Variants in NCOA2 observed in about 807,000 individuals in gnomAD.
NCOA2 encodes the protein nuclear receptor coactivator 2.
A neutral mutation model predicts 145.1 loss-of-function variants in NCOA2; 21 were observed. The ratio of observed to expected loss-of-function variants is 0.14; its 90% CI spans 0.10 to 0.21. The LOEUF is 0.21. Among genes scored for constraint, NCOA2 ranks in the 10% least tolerant of loss-of-function variants. The pLI, the probability that NCOA2 is intolerant of heterozygous loss-of-function variation, is 1.00. For synonymous variants in NCOA2, 619 were observed against 637.5 expected (o/e 0.97, Z 0.44); for missense variants, 1,472 against 1,837.6 (o/e 0.80, Z 3.64).
chr8:70,406,673 T>C (rs571181399), upstream of NCOA2, among the ~76,000 whole-genome samples: 2 of 152,334 alleles, frequency 1.3e-5, no homozygotes, highest in South Asian at 2.1e-4. Context: ...TGACAAATTA[T>C]ATATTTAACA....
intron 1 of NCOA2, among the ~76,000 whole-genome samples, chr8:70,340,929 G>A (rs1227585835): frequency 1.3e-5 from 2 of 152,042 alleles, no homozygotes; most frequent in South Asian, 4.1e-4. Context: ...GGGCCTGTTG[G>A]GGGTAGCAGG....
chr8:70,269,653 A>T (rs1824889461), intron 2 of NCOA2, among the ~76,000 whole-genome samples: 1 of 152,184 alleles, frequency 6.6e-6, no homozygotes, highest in Admixed American at 6.5e-5. Flanking sequence ...CTTCAACTTA[A>T]ATGTTAATTT....
chr8:70,442,157 AAGAAAG>A, the NCOA2 span, among the ~76,000 whole-genome samples: 4 of 141,548 alleles, frequency 2.8e-5, no homozygotes, highest in Non-Finnish European at 6.1e-5. Flanking sequence ...GAAAGAAAGA[AAGAAAG>A]AGAAAGGCTG....
the NCOA2 span, among the ~76,000 whole-genome samples, chr8:70,412,237 G>A: frequency 6.6e-6 from 1 of 151,868 alleles, no homozygotes; most frequent in Non-Finnish European, 1.5e-5. Context: ...TCACACCACT[G>A]TACTCCAGCC....
At chr8:70,441,377 GAA>G in the NCOA2 span, among the ~76,000 whole-genome samples, 6 of 107,544 alleles carry the variant, frequency 5.6e-5, no homozygotes, top group Non-Finnish European at 9.7e-5. Flanking sequence ...GAGAGAGAAA[GAA>G]AGAAGAAAGA....
chr8:70,319,248 G>T (rs942638048), intron 1 of NCOA2, among the ~76,000 whole-genome samples: 6 of 151,996 alleles, frequency 3.9e-5, no homozygotes, highest in Non-Finnish European at 7.4e-5. Context: ...AATTTATAAA[G>T]AGCTCTATTT....
At chr8:70,212,150 T>C (rs911714086) in intron 4 of NCOA2, among the ~76,000 whole-genome samples, 7 of 151,516 alleles carry the variant, frequency 4.6e-5, no homozygotes, top group African/African-American at 1.7e-4. Context: ...TTCTCAAAAC[T>C]GAATCATTCA....
At chr8:70,364,415 TCTGA>T (rs1156543619) in intron 1 of NCOA2, among the ~76,000 whole-genome samples, 3 of 152,210 alleles carry the variant, frequency 2.0e-5, no homozygotes, top group Non-Finnish European at 4.4e-5. Context: ...TAACACCAGC[TCTGA>T]CTTTTTCAGA....
chr8:70,141,537 C>T, intron 13 of NCOA2, 138 bp from the exon 14 acceptor site: 1 of 805,420 alleles, frequency 1.2e-6, no homozygotes, highest in South Asian at 1.6e-5. Flanking sequence ...TCTCATTGGG[C>T]AGATGTGGGA....
At chr8:70,350,283 A>G (rs953130346) in intron 1 of NCOA2, among the ~76,000 whole-genome samples, 1 of 152,122 alleles carries the variant, frequency 6.6e-6, no homozygotes, top group Non-Finnish European at 1.5e-5. Flanking sequence ...TCAGTTAATA[A>G]TTATAATTCA....
intron 5 of NCOA2, 72 bp from the exon 6 acceptor site, chr8:70,170,451 T>C: frequency 7.8e-7 from 1 of 1,278,536 alleles, no homozygotes; most frequent in Non-Finnish European, 1.1e-6. Context: ...AAGAAGGGAA[T>C]GATCCCTTTC....
At position 70,315,979 on chromosome 8, in the gene NCOA2, G is replaced by A. The variant is rs983522965; in HGVS notation, c.-76-19179C>T. Among the ~76,000 whole-genome samples the A allele has an allele frequency of 1.1e-4, 16 of 152,140 alleles. 1 individual carries two copies. Among genetic ancestry groups the A allele is most frequent in the Admixed American group, 7.9e-4 (12 of 15,268 alleles). ...TGGTAGGCAGGAATTAATAGATGAC[G>A]GAACTTCTAAAGAAAATTCCTAAAG... On this transcript the variant is annotated intron_variant, in intron 1 of 22. Coordinates refer to ENST00000452400, the MANE Select transcript of NCOA2 (RefSeq NM_006540.4).
the NCOA2 span, among the ~76,000 whole-genome samples, chr8:70,435,154 G>A: frequency 1.3e-5 from 2 of 151,898 alleles, no homozygotes; most frequent in Non-Finnish European, 2.9e-5. Context: ...GGCCGGGCGC[G>A]GTGGCTCACG....
At position 70,155,962 on chromosome 8, in the gene NCOA2, A is replaced by C; in HGVS notation, c.2394+9T>G. 1 of 1,550,144 alleles carries C rather than the reference A, an allele frequency of 6.5e-7. No individual in the cohort carries two copies. The highest frequency in any genetic ancestry group is 8.7e-7 in the Non-Finnish European group (1 of 1,152,496). ...TAGTACACCTGCGAGAAGATGTGAT[A>C]AAACTTACCTGGTCACCAGGCTCAA... On this transcript the variant is annotated intron_variant, in intron 11 of 22. Coordinates refer to ENST00000452400, the MANE Select transcript of NCOA2 (RefSeq NM_006540.4).
intron 15 of NCOA2, among the ~76,000 whole-genome samples, chr8:70,134,190 C>T (rs192988345): frequency 2.3e-4 from 35 of 152,334 alleles, no homozygotes; most frequent in African/African-American, 7.2e-4. Flanking sequence ...GACTGCTCCA[C>T]TACTGCTACA....
At chr8:70,383,490 C>T (rs1279036122) in intron 1 of NCOA2, among the ~76,000 whole-genome samples, 2 of 146,272 alleles carry the variant, frequency 1.4e-5, no homozygotes, top group Non-Finnish European at 3.0e-5. Context: ...CTAAAATCAT[C>T]CTAGTTTTTT....
intron 2 of NCOA2, among the ~76,000 whole-genome samples, chr8:70,235,966 T>A (rs1251808427): frequency 6.6e-6 from 1 of 152,182 alleles, no homozygotes; most frequent in African/African-American, 2.4e-5. Context: ...CCCACATCTT[T>A]CCAGCCTTCA....
chr8:70,348,430 C>T (rs897209756), intron 1 of NCOA2, among the ~76,000 whole-genome samples: 10 of 152,148 alleles, frequency 6.6e-5, no homozygotes, highest in East Asian at 5.8e-4. Flanking sequence ...ATGAGAACTA[C>T]GTAATTTGGG....
intron 4 of NCOA2, among the ~76,000 whole-genome samples, chr8:70,185,847 T>C (rs1332684603): frequency 6.6e-6 from 1 of 152,210 alleles, no homozygotes; most frequent in Non-Finnish European, 1.5e-5. Context: ...TAGTCTCAAG[T>C]ATTTTTTTGG....
Sources: allele counts gnomAD v4.1 joint callset (sites outside exome capture counted in the v4.1 genomes callset), GRCh38; gene constraint gnomAD v4.1.1; transcripts MANE v1.5; gene names NCBI Gene and HGNC (gene_info 2026-07-23, HGNC 2026-07-21).